ADIPOR1: variants seen among roughly 807,000 people sequenced by gnomAD.
ADIPOR1 encodes adiponectin receptor 1.
In ADIPOR1, 15 loss-of-function variants were observed where a neutral mutation model predicts 37.5. That is an observed-to-expected ratio of 0.40 (90% CI 0.27 to 0.62). ADIPOR1 has a LOEUF of 0.62. Ranked by LOEUF, ADIPOR1 falls within the 20% of genes least tolerant of loss-of-function variation. The pLI is 0.42. For missense variants in ADIPOR1, 286 were observed against 478.0 expected (o/e 0.60, Z 3.75); for synonymous variants, 173 against 173.2 (o/e 1.00, Z 0.01).
At chr1:202,946,227 T>C (rs1217692799) in intron 4 of ADIPOR1, among the ~76,000 whole-genome samples, 1 of 152,078 alleles carries the variant, frequency 6.6e-6, no homozygotes, top group African/African-American at 2.4e-5. Context: ...CAAAAAAATA[T>C]CTAGTCCCAA....
chr1:202,948,151 C>T (rs1654407026), intron 3 of ADIPOR1, among the ~76,000 whole-genome samples, 153 bp downstream of exon 3: 1 of 152,130 alleles, frequency 6.6e-6, no homozygotes, highest in African/African-American at 2.4e-5. Flanking sequence ...TTTAGCCAGT[C>T]TTCACATTGA....
At position 202,948,346 on chromosome 1, in the gene ADIPOR1, T is replaced by C; in HGVS notation, c.216A>G (p.Gln72=). ...EEVRVLTLPL[Q]AHHAMEKMEE... ...CCATCTTCTCCATGGCGTGGTGGGC[T>C]TGCAGGGGAAGTGTCAGTACCCGCA... Residue 72 remains glutamine, a synonymous_variant, in exon 3 of 8, where the codon CAA becomes CAG. Coordinates refer to ENST00000340990, the MANE Select transcript of ADIPOR1 (RefSeq NM_015999.6). 1 of 1,613,992 alleles carries C rather than the reference T, an allele frequency of 6.2e-7. No individual in the cohort carries two copies.
At chr1:202,942,310 T>C (rs1167953559) in intron 6 of ADIPOR1, 92 bp from the exon 7 acceptor site, 5 of 1,246,568 alleles carry the variant, frequency 4.0e-6, no homozygotes, top group Non-Finnish European at 5.5e-6. Flanking sequence ...ATGTTTATGA[T>C]AATTAGCTAT....
chr1:202,941,977 G>A, intron 7 of ADIPOR1, 48 bp downstream of exon 7: 2 of 1,557,076 alleles, frequency 1.3e-6, no homozygotes, highest in Non-Finnish European at 8.7e-7. Flanking sequence ...TTTAACTTTG[G>A]GCTGTTCACT....
At chr1:202,956,618 T>C (rs766424398) in intron 1 of ADIPOR1, among the ~76,000 whole-genome samples, 2 of 152,124 alleles carry the variant, frequency 1.3e-5, no homozygotes, top group Non-Finnish European at 2.9e-5. Flanking sequence ...CAGAAAAAGT[T>C]TTGTGGAAGA....
intron 1 of ADIPOR1, among the ~76,000 whole-genome samples, chr1:202,957,190 T>C (rs185586588): frequency 2.8e-4 from 43 of 152,284 alleles, no homozygotes; most frequent in African/African-American, 9.4e-4. Context: ...CATCGTAGCC[T>C]ACCCAACTAC....
chr1:202,946,399 G>A, intron 4 of ADIPOR1, 40 bp downstream of exon 4: 1 of 1,611,874 alleles, frequency 6.2e-7, no homozygotes, highest in Non-Finnish European at 8.5e-7. Flanking sequence ...CGCAGTTAGG[G>A]AGACAACAAA....
chr1:202,942,137 G>A lies in ADIPOR1; in HGVS notation c.887C>T (p.Thr296Ile). 6.2e-7 allele frequency: 1 copy of A among 1,614,192 alleles called. No homozygotes were observed. Among genetic ancestry groups the A allele is most frequent in the Non-Finnish European group, 8.5e-7 (1 of 1,180,036 alleles). The change falls in exon 7 of 8, where the codon ACA becomes ATA. Residue 296 changes from threonine (T) to isoleucine (I), a missense_variant. Coordinates refer to ENST00000340990, the MANE Select transcript of ADIPOR1 (RefSeq NM_015999.6). ...TIAEGFVKAT[T>I]VGQMGWFFLM... The stretch of plus-strand genomic sequence containing the variant: ...GAAGAACCAGCCCATCTGGCCCACT[G>A]TGGTGGCCTTGACAAAGCCCTCAGC...
At chr1:202,949,579 C>A (rs867057609) in intron 2 of ADIPOR1, among the ~76,000 whole-genome samples, 555 of 98,968 alleles carry the variant, frequency 5.6e-3, no homozygotes, top group African/African-American at 6.7e-3. Context: ...ACTCTGTCTC[C>A]AAAAAAAAAA....
chr1:202,944,000 C>T (rs748704262), intron 5 of ADIPOR1, 55 bp from the exon 6 acceptor site: 3 of 1,470,262 alleles, frequency 2.0e-6, no homozygotes, highest in Non-Finnish European at 2.8e-6. Flanking sequence ...ATTTGTATGG[C>T]TCATTTAACT....
At chr1:202,957,958 T>C (rs1255983416) in intron 1 of ADIPOR1, among the ~76,000 whole-genome samples, 1 of 152,156 alleles carries the variant, frequency 6.6e-6, no homozygotes, top group Non-Finnish European at 1.5e-5. Flanking sequence ...CCACCGCACC[T>C]AGGCCGCCTC....
At chr1:202,949,593 A>AAAAAAAAAAAC (rs1332418254) in intron 2 of ADIPOR1, among the ~76,000 whole-genome samples, 2,735 of 137,904 alleles carry the variant, frequency 0.02, 130 homozygotes, top group East Asian at 0.14. Flanking sequence ...AAAAAAAAAA[A>AAAAAAAAAAAC]AAAACACACC....
At chr1:202,944,832 A>AC in intron 5 of ADIPOR1, 151 bp downstream of exon 5, 1 of 686,952 alleles carries the variant, frequency 1.5e-6, no homozygotes, top group Non-Finnish European at 2.4e-6. Context: ...AAGCTTCATC[A>AC]CCCCACTATC....
rs79011601 is a variant in ADIPOR1, at chr1:202,942,274, C to T, written c.806-56G>A. 25 of 1,495,612 alleles carry T rather than the reference C, an allele frequency of 1.7e-5. No individual in the cohort carries two copies. In the African/African-American group the frequency reaches 2.6e-4, roughly 16 times the overall value. 92.6% of individuals were successfully genotyped at this position (1,495,612 alleles called of 1,614,324 possible). ...AAGGAAACAGCCACCGCATGGAAGG[C>T]ACTGCTGTCTTACTCTGGAATTTCA... On this transcript the variant is annotated intron_variant, in intron 6 of 7. Transcript: ENST00000340990.
At chr1:202,950,800 G>C in intron 2 of ADIPOR1, 130 bp downstream of exon 2, 1 of 1,272,704 alleles carries the variant, frequency 7.9e-7, no homozygotes. Flanking sequence ...GTATCATAGG[G>C]ACTTGGATAG....
intron 2 of ADIPOR1, among the ~76,000 whole-genome samples, chr1:202,950,031 C>A (rs1471130370): frequency 6.6e-6 from 1 of 152,028 alleles, no homozygotes; most frequent in Non-Finnish European, 1.5e-5. Context: ...GGCACGATCT[C>A]GGCTCACTGC....
chr1:202,955,454 G>A (rs1553244051), intron 1 of ADIPOR1, among the ~76,000 whole-genome samples: 1 of 151,914 alleles, frequency 6.6e-6, no homozygotes, highest in Non-Finnish European at 1.5e-5. Flanking sequence ...ATCCCAAAGT[G>A]CTGGGATTAC....
chr1:202,950,434 C>G lies in ADIPOR1; in HGVS notation c.141+496G>C, dbSNP rs551001571. On this transcript the variant is annotated intron_variant, in intron 2 of 7. Transcript: ENST00000340990. Reference sequence around the variant, plus strand: ...ATAAAAATAAAAGGGAAAGAGAGGGCCTTTCTTCTCGTTTCCCTTTCATGG... The same window carrying G: ...ATAAAAATAAAAGGGAAAGAGAGGGGCTTTCTTCTCGTTTCCCTTTCATGG... Among the ~76,000 whole-genome samples the G allele has an allele frequency of 1.6e-4, 24 of 152,048 alleles. No individual in the cohort carries two copies. In the East Asian group the frequency reaches 2.6e-3, roughly 16 times the overall value.
chr1:202,947,594 CA>C (rs1263358427), intron 3 of ADIPOR1, among the ~76,000 whole-genome samples: 1 of 151,846 alleles, frequency 6.6e-6, no homozygotes, highest in African/African-American at 2.4e-5. Flanking sequence ...TGAATAAAAA[CA>C]AAAAAATTAT....
Sources: allele counts gnomAD v4.1 joint callset (sites outside exome capture counted in the v4.1 genomes callset), GRCh38; gene constraint gnomAD v4.1.1; transcripts MANE v1.5; gene names NCBI Gene and HGNC (gene_info 2026-07-23, HGNC 2026-07-21).